The following ADK variants were observed in gnomAD, a reference collection of about 807,000 sequenced individuals.
ADK encodes the protein adenosine kinase.
ADK carries 24 observed loss-of-function variants against 44.7 expected under a neutral mutation model. That is an observed-to-expected ratio of 0.54 (90% CI 0.39 to 0.76). ADK has a LOEUF of 0.76. Among genes scored for constraint, ADK ranks in the 30% least tolerant of loss-of-function variants. The pLI is 0.00. For missense variants in ADK, 321 were observed against 425.1 expected (o/e 0.76, Z 2.15); for synonymous variants, 128 against 142.6 (o/e 0.90, Z 0.73).
In ADK at chr10:74,600,398, T is replaced by G; in HGVS notation, c.782T>G (p.Ile261Arg). ...QGFETKDIKEIAKKTQALPKM... is the reference protein window; with the variant it reads ...QGFETKDIKERAKKTQALPKM... ...TAATAGACTAAAGACATTAAAGAGA[T>G]AGCCAAAAAGACACAAGCCCTGCCA... Residue 261 changes from isoleucine (I) to arginine (R), a missense_variant, in exon 9 of 11, where the codon ATA (isoleucine) becomes AGA (arginine). By Grantham distance (97) the Ile-to-Arg change is moderately conservative (BLOSUM62 -3). Coordinates refer to ENST00000539909, the MANE Select transcript of ADK (RefSeq NM_006721.4). The G allele has an allele frequency of 6.2e-7, 1 of 1,610,122 alleles. No individual in the cohort carries two copies. The highest frequency in any genetic ancestry group is 8.5e-7 in the Non-Finnish European group (1 of 1,177,740).
intron 6 of ADK, among the ~76,000 whole-genome samples, chr10:74,413,347 A>G (rs1844253119): frequency 6.6e-6 from 1 of 152,196 alleles, no homozygotes; most frequent in African/African-American, 2.4e-5. Context: ...TCTTTTGTCT[A>G]TGTTGAAAAC....
At chr10:74,563,676 G>A (rs536746143) in intron 7 of ADK, among the ~76,000 whole-genome samples, 1 of 152,030 alleles carries the variant, frequency 6.6e-6, no homozygotes, top group African/African-American at 2.4e-5. Flanking sequence ...CATGTACATT[G>A]TATAAATGCA....
At chr10:74,335,116 A>G (rs2131857365) in intron 4 of ADK, among the ~76,000 whole-genome samples, 1 of 152,264 alleles carries the variant, frequency 6.6e-6, no homozygotes, top group South Asian at 2.1e-4. Flanking sequence ...CAACCCTCAC[A>G]TTTGTGCTGG....
chr10:74,417,617 T>C (rs1453811727), intron 6 of ADK, among the ~76,000 whole-genome samples: 1 of 152,148 alleles, frequency 6.6e-6, no homozygotes, highest in Non-Finnish European at 1.5e-5. Flanking sequence ...GCCAGTCTTT[T>C]AAAGCCTTAT....
At chr10:74,428,742 A>AATATTTAC (rs1844883199) in intron 6 of ADK, among the ~76,000 whole-genome samples, 2 of 152,246 alleles carry the variant, frequency 1.3e-5, no homozygotes, top group African/African-American at 4.8e-5. Context: ...TGAAGAACAG[A>AATATTTAC]ATATTTACAT....
intron 2 of ADK, among the ~76,000 whole-genome samples, chr10:74,222,487 T>G (rs1484890528): frequency 6.6e-6 from 1 of 151,910 alleles, no homozygotes; most frequent in Non-Finnish European, 1.5e-5. Flanking sequence ...GAAATACCAT[T>G]TGACCCAGCC....
At chr10:74,620,030 T>C (rs1178085639) in intron 9 of ADK, among the ~76,000 whole-genome samples, 1 of 152,220 alleles carries the variant, frequency 6.6e-6, no homozygotes, top group African/African-American at 2.4e-5. Flanking sequence ...CCCATCGTGA[T>C]GTTTTGATAC....
intron 6 of ADK, among the ~76,000 whole-genome samples, chr10:74,482,561 T>C (rs1847112818): frequency 6.6e-6 from 1 of 152,102 alleles, no homozygotes; most frequent in African/African-American, 2.4e-5. Context: ...AAGACTTAAC[T>C]CATCTCAGCA....
chr10:74,203,081 G>A (rs371936657), intron 2 of ADK, among the ~76,000 whole-genome samples: 4 of 152,270 alleles, frequency 2.6e-5, no homozygotes, highest in African/African-American at 9.6e-5. Context: ...TGTAGTTTAA[G>A]GTCTTAGATT....
rs200241346 is a variant in ADK at position 74,296,351 on chromosome 10, A to T, written c.195-18316A>T. 3.3e-5 allele frequency among the ~76,000 whole-genome samples: 5 copies of T among 152,276 alleles called. No individual in the cohort carries two copies. In the East Asian group the frequency reaches 9.6e-4, roughly 29 times the overall value. On this transcript the variant is annotated intron_variant, in intron 3 of 10. Transcript: ENST00000539909. Reference sequence around the variant, plus strand: ...AATAATTATGTATTAAAAATGAGCAATGTTTGTGAAGAGTTGATGTGTAGA... The same window carrying T: ...AATAATTATGTATTAAAAATGAGCATTGTTTGTGAAGAGTTGATGTGTAGA...
intron 3 of ADK, among the ~76,000 whole-genome samples, chr10:74,283,684 C>CT (rs774619771): frequency 0.013 from 1,289 of 95,542 alleles, 26 homozygotes; most frequent in African/African-American, 0.034. Flanking sequence ...TTCTTTCTTT[C>CT]TTTTTTTTTT....
chr10:74,423,823 A>G (rs556977779), intron 6 of ADK: 24 of 299,922 alleles, frequency 8.0e-5, no homozygotes, highest in Admixed American at 1.9e-4. Flanking sequence ...GCTGCCCCAG[A>G]TCTCAAACTT....
chr10:74,204,565 G>A (rs1843519999), intron 2 of ADK, among the ~76,000 whole-genome samples: 1 of 152,166 alleles, frequency 6.6e-6, no homozygotes, highest in South Asian at 2.1e-4. Context: ...TAGGAAATGT[G>A]CTGGGGGTCT....
Position 74,270,057 on chromosome 10 carries a change from T to C in ADK, c.195-44610T>C, listed in dbSNP as rs978676801. Among the ~76,000 whole-genome samples the C allele has an allele frequency of 1.4e-4, 22 of 152,074 alleles. 1 individual carries two copies. The highest frequency in any genetic ancestry group is 6.6e-5 in the Admixed American group (1 of 15,260). ...TGTGACATGTTAATAGGGAGAGATA[T>C]TAGTCCGATGGTAATTAAAAGCAGA... On this transcript the variant is annotated intron_variant, in intron 3 of 10. Coordinates refer to ENST00000539909, the MANE Select transcript of ADK (RefSeq NM_006721.4).
At chr10:74,272,475 A>G (rs1032162476) in intron 3 of ADK, among the ~76,000 whole-genome samples, 1 of 152,010 alleles carries the variant, frequency 6.6e-6, no homozygotes, top group Non-Finnish European at 1.5e-5. Context: ...GGGTCTCACT[A>G]TGTTGCCCAG....
intron 10 of ADK, among the ~76,000 whole-genome samples, chr10:74,680,053 G>A (rs572898478): frequency 4.1e-4 from 62 of 151,654 alleles, no homozygotes; most frequent in Non-Finnish European, 6.3e-4. Flanking sequence ...GGTGGCTCAC[G>A]CCTGTAATCC....
intron 4 of ADK, among the ~76,000 whole-genome samples, chr10:74,339,752 T>G (rs893355493): frequency 6.6e-6 from 1 of 152,204 alleles, no homozygotes; most frequent in African/African-American, 2.4e-5. Context: ...TTACCTAACC[T>G]ATTCTAGTGA....
At chr10:74,310,151 G>A (rs1341960490) in intron 3 of ADK, among the ~76,000 whole-genome samples, 3 of 151,984 alleles carry the variant, frequency 2.0e-5, no homozygotes, top group African/African-American at 4.8e-5. Context: ...TGGCCACCCC[G>A]TTCAGACAAA....
intron 6 of ADK, among the ~76,000 whole-genome samples, chr10:74,455,697 A>G (rs1320353862): frequency 5.3e-5 from 8 of 152,054 alleles, no homozygotes; most frequent in Non-Finnish European, 1.0e-4. Flanking sequence ...TTTATTAGAG[A>G]CAGGGTTTCA....
Sources: gnomAD v4.1 joint callset for allele counts (sites outside exome capture counted in the v4.1 genomes callset) on GRCh38, gnomAD v4.1.1 for gene constraint, MANE v1.5 for transcripts, NCBI Gene and HGNC (gene_info 2026-07-23, HGNC 2026-07-21) for gene names.